PTPRR: variants seen among roughly 807,000 people sequenced by gnomAD.
PTPRR encodes the protein protein tyrosine phosphatase receptor type R.
PTPRR carries 38 observed loss-of-function variants against 77.2 expected under a neutral mutation model. That is an observed-to-expected ratio of 0.49 (90% CI 0.38 to 0.65). The LOEUF (loss-of-function observed/expected upper bound fraction) is 0.65. PTPRR is among the 30% of genes least tolerant of loss of function. PTPRR has a pLI of 0.00. For missense variants in PTPRR, 744 were observed against 799.2 expected, an observed-to-expected ratio of 0.93 and a Z score of 0.83; for synonymous variants, 299 against 283.1, an observed-to-expected ratio of 1.06 and a Z score of -0.57.
intron 2 of PTPRR, among the ~76,000 whole-genome samples, chr12:70,831,942 G>A (rs757283103): frequency 5.3e-5 from 8 of 152,076 alleles, no homozygotes; most frequent in African/African-American, 1.9e-4. Context: ...TCACCAACAG[G>A]TCTAGTTTTA....
At chr12:70,817,930 T>C (rs1315584500) in intron 2 of PTPRR, among the ~76,000 whole-genome samples, 1 of 152,190 alleles carries the variant, frequency 6.6e-6, no homozygotes, top group Non-Finnish European at 1.5e-5. Context: ...GTCAATTTGG[T>C]TGGCCAGGTG....
chr12:70,876,295 G>T (rs1334535522), intron 2 of PTPRR, among the ~76,000 whole-genome samples: 2 of 151,992 alleles, frequency 1.3e-5, no homozygotes, highest in African/African-American at 2.4e-5. Context: ...ACATAGACAT[G>T]TTCCTCTTTC....
chr12:70,728,528 AATATATATATATATATATAT>A (rs71068723), intron 6 of PTPRR, among the ~76,000 whole-genome samples: 9 of 80,136 alleles, frequency 1.1e-4, no homozygotes, highest in African/African-American at 3.8e-4. Flanking sequence ...CCAAAATCTG[AATATATATATATATATATAT>A]ATATATATAT....
chr12:70,915,937 GC>G (rs1356214544), intron 1 of PTPRR, among the ~76,000 whole-genome samples: 3 of 152,098 alleles, frequency 2.0e-5, no homozygotes, highest in African/African-American at 7.2e-5. Context: ...GTCAGGAACT[GC>G]CCCCAGGTAC....
At position 70,684,770 on chromosome 12, in the gene PTPRR, T is replaced by G; in HGVS notation, c.1293A>C (p.Arg431Ser). The change falls in exon 9 of 14, where the codon AGA becomes AGC. Residue 431 changes from arginine (R) to serine (S), a missense_variant. Physicochemically the swap from Arg to Ser is moderately radical, Grantham distance 110. This residue lies in a region of PTPRR where 570 missense variants were observed against 573.2 expected (regional missense o/e 0.99). Transcript: ENST00000283228. ...TTACATTTTTTGGTCTTAAACACAC[T>G]CTGCTGAGGGGATCTAATGAAGAAA... ...YKTILPNPLS[R>S]VCLRPKNVTD... The G allele has an allele frequency of 6.2e-7, 1 of 1,602,396 alleles. No homozygotes were observed. The highest frequency in any genetic ancestry group is 8.5e-7 in the Non-Finnish European group (1 of 1,173,202).
At chr12:70,790,454 G>C (rs1891402691) in intron 2 of PTPRR, among the ~76,000 whole-genome samples, 1 of 151,924 alleles carries the variant, frequency 6.6e-6, no homozygotes, top group Admixed American at 6.6e-5. Flanking sequence ...TCCTTTTCAA[G>C]TTCCCTTTGC....
chr12:70,734,881 C>T (rs1177350208), intron 6 of PTPRR, among the ~76,000 whole-genome samples: 2 of 152,152 alleles, frequency 1.3e-5, no homozygotes, highest in African/African-American at 2.4e-5. Flanking sequence ...TATATGTTGG[C>T]TCCTGTTTTA....
intron 2 of PTPRR, chr12:70,788,847 A>C: frequency 1.3e-6 from 2 of 1,525,138 alleles, no homozygotes; most frequent in Non-Finnish European, 1.8e-6. Flanking sequence ...GTTGTGATGA[A>C]GTCGACTTCC....
At chr12:70,773,720 G>C (rs1158282274) in intron 2 of PTPRR, among the ~76,000 whole-genome samples, 1 of 152,152 alleles carries the variant, frequency 6.6e-6, no homozygotes, top group African/African-American at 2.4e-5. Context: ...TGAAGAAAGT[G>C]GCTTCTCTCT....
intron 8 of PTPRR, among the ~76,000 whole-genome samples, chr12:70,695,163 T>C (rs1888189692): frequency 6.6e-6 from 1 of 152,200 alleles, no homozygotes. Context: ...TTCTCAGAAT[T>C]GTATAATGTT....
At chr12:70,736,918 C>T (rs543959278) in intron 6 of PTPRR, among the ~76,000 whole-genome samples, 12 of 152,270 alleles carry the variant, frequency 7.9e-5, no homozygotes, top group Admixed American at 1.3e-4. Flanking sequence ...AGCTCTGCTG[C>T]GACCTTTGGC....
At chr12:70,761,947 T>A (rs574980246) in intron 3 of PTPRR, among the ~76,000 whole-genome samples, 3 of 152,322 alleles carry the variant, frequency 2.0e-5, no homozygotes, top group Admixed American at 2.0e-4. Context: ...GTTCCCTGAG[T>A]AATTATGTTT....
chr12:70,748,346 GA>G (rs1312873697), intron 5 of PTPRR, among the ~76,000 whole-genome samples: 1 of 152,126 alleles, frequency 6.6e-6, no homozygotes, highest in Non-Finnish European at 1.5e-5. Flanking sequence ...AAAGCATCTG[GA>G]AAAGTGTGTC....
intron 7 of PTPRR, among the ~76,000 whole-genome samples, chr12:70,700,184 C>T (rs1888368834): frequency 6.6e-6 from 1 of 152,142 alleles, no homozygotes; most frequent in South Asian, 2.1e-4. Flanking sequence ...TAGATCCAAC[C>T]CATTGCTGAA....
intron 2 of PTPRR, among the ~76,000 whole-genome samples, chr12:70,781,151 G>A (rs951109835): frequency 2.0e-5 from 3 of 152,320 alleles, no homozygotes; most frequent in Admixed American, 2.0e-4. Flanking sequence ...TCAGGCAGGA[G>A]AGACAGCTGC....
chr12:70,888,185 G>T (rs941799569), intron 2 of PTPRR, among the ~76,000 whole-genome samples: 1 of 152,104 alleles, frequency 6.6e-6, no homozygotes, highest in Non-Finnish European at 1.5e-5. Flanking sequence ...TAGTTTTGTT[G>T]TTGCCACAGG....
chr12:70,872,311 C>T (rs928913979), intron 2 of PTPRR, among the ~76,000 whole-genome samples: 1 of 151,998 alleles, frequency 6.6e-6, no homozygotes, highest in Admixed American at 6.6e-5. Context: ...AATGGTCTTC[C>T]TGAGTTTGAG....
chr12:70,858,678 T>C (rs1892694881), intron 2 of PTPRR, among the ~76,000 whole-genome samples: 1 of 152,084 alleles, frequency 6.6e-6, no homozygotes, highest in Non-Finnish European at 1.5e-5. Flanking sequence ...CTTTTCAATA[T>C]CTTCAGCACC....
chr12:70,674,103 T>C (rs1887350819), intron 10 of PTPRR, among the ~76,000 whole-genome samples: 1 of 152,004 alleles, frequency 6.6e-6, no homozygotes, highest in Admixed American at 6.6e-5. Flanking sequence ...CTGGCTAATT[T>C]TTAAATTTTT....
Sources: allele counts gnomAD v4.1 joint callset (sites outside exome capture counted in the v4.1 genomes callset), GRCh38; gene constraint gnomAD v4.1.1; regional missense constraint gnomAD v4.1.1; transcripts MANE v1.5; gene names NCBI Gene and HGNC (gene_info 2026-07-23, HGNC 2026-07-21).